The following RABEPK variants were observed in gnomAD, a reference collection of about 807,000 sequenced individuals.
The protein encoded by RABEPK is Rab9 effector protein with kelch motifs, also known as 40 kDa Rab9 effector protein.
Under a neutral mutation model 34.1 loss-of-function variants are expected in RABEPK, and 27 were observed. The ratio of observed to expected loss-of-function variants is 0.79; its 90% CI spans 0.58 to 1.09. The LOEUF is 1.09. RABEPK is among the 50% of genes least tolerant of loss of function. The pLI, the probability that RABEPK is intolerant of heterozygous loss-of-function variation, is 0.00. For synonymous variants in RABEPK, 172 were observed against 169.2 expected, an observed-to-expected ratio of 1.02 and a Z score of -0.13; for missense variants, 449 against 462.6, an observed-to-expected ratio of 0.97 and a Z score of 0.27.
intron 4 of RABEPK, among the ~76,000 whole-genome samples, chr9:125,217,015 C>T (rs1251950022): frequency 6.6e-6 from 1 of 151,688 alleles, no homozygotes; most frequent in East Asian, 1.9e-4. Context: ...CTTGGCAGAC[C>T]ATTTGGCTAA....
chr9:125,228,779 T>C (rs1831959631), intron 6 of RABEPK, among the ~76,000 whole-genome samples: 2 of 149,982 alleles, frequency 1.3e-5, no homozygotes, highest in South Asian at 4.2e-4. Flanking sequence ...CTGGCCAACA[T>C]AGTGAAACCC....
intron 1 of RABEPK, among the ~76,000 whole-genome samples, chr9:125,202,624 G>C (rs1255205635): frequency 6.6e-6 from 1 of 152,124 alleles, no homozygotes; most frequent in Non-Finnish European, 1.5e-5. Context: ...GAGGTCAGGA[G>C]TTCGAGACCA....
At position 125,232,751 on chromosome 9, in the gene RABEPK, C is replaced by T; in HGVS notation, c.826+6C>T. ...AATGTACCAGTATCACACAGGTGAG[C>T]AGGTGTCCATGGGGGATCTTTAAAC... On this transcript the variant is annotated splice_donor_region_variant and intron_variant, in intron 7 of 7. Coordinates refer to ENST00000373538, the MANE Select transcript of RABEPK (RefSeq NM_005833.4). The T allele has an allele frequency of 6.2e-7, 1 of 1,610,870 alleles. No individual in the cohort carries two copies. The highest frequency in any genetic ancestry group is 1.1e-5 in the South Asian group (1 of 90,602).
chr9:125,222,908 G>A (rs1028565492), intron 5 of RABEPK, among the ~76,000 whole-genome samples: 4 of 152,090 alleles, frequency 2.6e-5, no homozygotes, highest in Non-Finnish European at 2.9e-5. Flanking sequence ...CTAGCCTCAA[G>A]TGATCCTTCA....
intron 4 of RABEPK, among the ~76,000 whole-genome samples, chr9:125,216,738 G>T (rs189807973): frequency 2.6e-4 from 40 of 151,976 alleles, no homozygotes; most frequent in African/African-American, 8.9e-4. Flanking sequence ...CGAGGAGGGC[G>T]GATCAAAAGG....
rs1830300858 is a variant in RABEPK, at chr9:125,207,548, A to G, written c.54-16A>G. 6.2e-7 allele frequency: 1 copy of G among 1,612,210 alleles called. No individual in the cohort carries two copies. Among genetic ancestry groups the G allele is most frequent in the Non-Finnish European group, 8.5e-7 (1 of 1,178,264 alleles). ...TTCTCTGCTCAGGCCTCCTGAATACATCCTTCCTTTGGCAGGTACACCTTG... is the reference window on the plus strand; with the variant it reads ...TTCTCTGCTCAGGCCTCCTGAATACGTCCTTCCTTTGGCAGGTACACCTTG... On this transcript the variant is annotated splice_polypyrimidine_tract_variant and intron_variant, in intron 2 of 7. Coordinates refer to ENST00000373538, the MANE Select transcript of RABEPK (RefSeq NM_005833.4).
chr9:125,232,571 C>G, intron 6 of RABEPK, 25 bp from the exon 7 acceptor site: 2 of 1,602,782 alleles, frequency 1.2e-6, no homozygotes, highest in East Asian at 4.5e-5. Context: ...CATGCTGCGC[C>G]AAAGCTCTTT....
chr9:125,218,375 T>C lies in RABEPK; in HGVS notation c.365-2164T>C, dbSNP rs570258985. On this transcript the variant is annotated intron_variant, in intron 4 of 7. Coordinates refer to ENST00000373538, the MANE Select transcript of RABEPK (RefSeq NM_005833.4). ...AACTGAGTTCAAACTCCTGCTCTGC[T>C]ACGCACATATGCTATAACCTGCAGG... is the stretch of plus-strand genomic sequence containing the variant. Among the ~76,000 whole-genome samples, 18 of 144,086 alleles carry C rather than the reference T, an allele frequency of 1.2e-4. No homozygotes were observed. The South Asian group carries it at 2.1e-3, about 17-fold the overall frequency. 94.5% of individuals were successfully genotyped at this position (144,086 alleles called of 152,430 possible).
chr9:125,210,844 GT>G (rs1187970383), intron 3 of RABEPK, among the ~76,000 whole-genome samples: 11 of 100,056 alleles, frequency 1.1e-4, no homozygotes, highest in South Asian at 2.8e-4. Flanking sequence ...CTTAAGTTTT[GT>G]TTTTTTTTTT....
chr9:125,220,432 C>T, intron 4 of RABEPK, 107 bp from the exon 5 acceptor site: 1 of 1,501,842 alleles, frequency 6.7e-7, no homozygotes, highest in Non-Finnish European at 8.9e-7. Flanking sequence ...ACTATGCTGG[C>T]CCCCCTGGGG....
At chr9:125,226,579 G>T (rs1831765918) in intron 5 of RABEPK, among the ~76,000 whole-genome samples, 1 of 151,296 alleles carries the variant, frequency 6.6e-6, no homozygotes, top group African/African-American at 2.4e-5. Flanking sequence ...CAAAATATTA[G>T]ATGGGGCCGG....
chr9:125,225,085 C>A (rs1588396398), intron 5 of RABEPK, among the ~76,000 whole-genome samples: 1 of 152,052 alleles, frequency 6.6e-6, no homozygotes, highest in South Asian at 2.1e-4. Flanking sequence ...AAGACCCCAT[C>A]TCTAAAAATA....
chr9:125,229,641 C>A (rs1027547442), intron 6 of RABEPK, among the ~76,000 whole-genome samples: 1 of 152,186 alleles, frequency 6.6e-6, no homozygotes, highest in East Asian at 1.9e-4. Flanking sequence ...TTCATTACAA[C>A]CCATTATGCT....
intron 5 of RABEPK, among the ~76,000 whole-genome samples, chr9:125,223,720 G>C (rs1450677531): frequency 1.4e-5 from 1 of 72,136 alleles, no homozygotes; most frequent in Non-Finnish European, 2.4e-5. Flanking sequence ...GCGAGACCCT[G>C]ACTCTAAAAA....
Position 125,233,782 on chromosome 9 carries a change from T to C in RABEPK, c.921T>C (p.Cys307=). Residue 307 remains cysteine, a synonymous_variant, in exon 8 of 8, where the codon TGT becomes TGC. Coordinates refer to ENST00000373538, the MANE Select transcript of RABEPK (RefSeq NM_005833.4). ...GTATCATTCCATGGCCAGTGACGTG[T>C]GCTTCTGAGAAAGAAGATTCCAACT... ...SMCIIPWPVT[C]ASEKEDSNSL... 1 of 1,614,126 alleles carries C rather than the reference T, an allele frequency of 6.2e-7. No individual in the cohort carries two copies. Among genetic ancestry groups the C allele is most frequent in the East Asian group, 2.2e-5 (1 of 44,888 alleles).
intron 4 of RABEPK, among the ~76,000 whole-genome samples, chr9:125,219,172 C>CTTTTTTTTTTTTTATTTTTTTTTTTTTTT (rs11349958): frequency 8.2e-6 from 1 of 122,444 alleles, no homozygotes; most frequent in Non-Finnish European, 1.7e-5. Flanking sequence ...ATAGTATTGT[C>CTTTTTTTTTTTTTATTTTTTTTTTTTTTT]TTTTTTTTTT....
intron 4 of RABEPK, among the ~76,000 whole-genome samples, chr9:125,220,006 T>C (rs1417523500): frequency 6.6e-6 from 1 of 151,830 alleles, no homozygotes; most frequent in Non-Finnish European, 1.5e-5. Context: ...TTTTTTTTCT[T>C]CTTTTTTTTT....
At chr9:125,212,272 G>A (rs1050960296) in intron 3 of RABEPK, among the ~76,000 whole-genome samples, 2 of 152,124 alleles carry the variant, frequency 1.3e-5, no homozygotes, top group African/African-American at 4.8e-5. Flanking sequence ...GTGTCACCCA[G>A]GCTGGAGCGC....
In RABEPK at chr9:125,233,739, G is replaced by A. The variant is rs748084818; in HGVS notation, c.878G>A (p.Arg293Gln). ...TTTGATACTCTTCTACCCCCTGGAC[G>A]ATTGGACCATTCCATGTGTATCATT... is the stretch of plus-strand genomic sequence containing the variant. ...LKFDTLLPPG[R>Q]LDHSMCIIPW... The change falls in exon 8 of 8, where the codon CGA becomes CAA. Residue 293 changes from arginine to glutamine, a missense_variant. Physicochemically the swap from Arg to Gln is conservative, Grantham distance 43 (BLOSUM62 1). Transcript: ENST00000373538. 10 of 1,613,904 alleles carry A rather than the reference G, an allele frequency of 6.2e-6. No homozygotes were observed. The highest frequency in any genetic ancestry group is 2.2e-5 in the East Asian group (1 of 44,898).
Sources: allele counts gnomAD v4.1 joint callset (sites outside exome capture counted in the v4.1 genomes callset), GRCh38; gene constraint gnomAD v4.1.1; transcripts MANE v1.5; gene names NCBI Gene and HGNC (gene_info 2026-07-23, HGNC 2026-07-21).